Variants in DNAJC27 observed in about 807,000 individuals in gnomAD.
DNAJC27 encodes DnaJ heat shock protein family (Hsp40) member C27.
Under a neutral mutation model 31.4 loss-of-function variants are expected in DNAJC27, and 25 were observed. The observed-to-expected ratio is 0.80, with a 90% CI of 0.58 to 1.11. The LOEUF is 1.11. Ranked by LOEUF, DNAJC27 falls within the 50% of genes most tolerant of loss-of-function variation. The pLI is 0.00. For missense variants in DNAJC27, 356 were observed against 347.3 expected (o/e 1.02, Z -0.20); for synonymous variants, 106 against 112.7 (o/e 0.94, Z 0.37).
chr2:24,951,816 A>C (rs1327638325), intron 5 of DNAJC27, among the ~76,000 whole-genome samples: 1 of 152,198 alleles, frequency 6.6e-6, no homozygotes, highest in Non-Finnish European at 1.5e-5. Context: ...GAAGTTAAAA[A>C]GTAACAGATG....
intron 6 of DNAJC27, among the ~76,000 whole-genome samples, chr2:24,950,043 T>C (rs1214050872): frequency 1.3e-5 from 2 of 151,120 alleles, no homozygotes; most frequent in African/African-American, 4.9e-5. Context: ...GACTCACATT[T>C]TCGAATTTCA....
At chr2:24,965,409 C>A (rs1396792436) in intron 2 of DNAJC27, among the ~76,000 whole-genome samples, 1 of 151,838 alleles carries the variant, frequency 6.6e-6, no homozygotes, top group Non-Finnish European at 1.5e-5. Context: ...GCAACTGCCA[C>A]CACGTCCGGC....
At chr2:24,954,469 G>A (rs1314444620) in intron 5 of DNAJC27, among the ~76,000 whole-genome samples, 1 of 152,174 alleles carries the variant, frequency 6.6e-6, no homozygotes. Flanking sequence ...AAAAGAGACA[G>A]AATTTGGAAG....
At chr2:24,947,848 T>G in intron 6 of DNAJC27, 100 bp from the exon 7 acceptor site, 1 of 1,322,134 alleles carries the variant, frequency 7.6e-7, no homozygotes, top group South Asian at 1.8e-5. Flanking sequence ...AGTGAACATA[T>G]CCTAAATTAT....
At position 24,957,112 on chromosome 2, in the gene DNAJC27, A is replaced by G. The variant is rs1192346010; in HGVS notation, c.459T>C (p.Ala153=). ...CVDESEGRLW[A]ESKGFLYFET... ...CAAAGTACAGGAACCCTTTGCTTTC[A>G]GCCCAAAGACGTCCTTCACTTTCAT... Residue 153 remains alanine (A), a synonymous_variant, in exon 5 of 7, where the codon GCT becomes GCC. Transcript: ENST00000264711. 7 of 1,609,358 alleles carry G rather than the reference A, an allele frequency of 4.3e-6. No homozygotes were observed. Among genetic ancestry groups the G allele is most frequent in the Admixed American group, 1.7e-5 (1 of 58,622 alleles).
At chr2:24,970,039 C>A (rs56784950) in intron 1 of DNAJC27, among the ~76,000 whole-genome samples, 113,070 of 152,138 alleles carry the variant, frequency 0.74, 42,328 homozygotes, top group Middle Eastern at 0.85. Flanking sequence ...AGTAATTTAT[C>A]TCCCTTTGTA....
chr2:24,970,250 TTTCAG>T (rs1666294626), intron 1 of DNAJC27, among the ~76,000 whole-genome samples: 1 of 152,202 alleles, frequency 6.6e-6, no homozygotes, highest in Non-Finnish European at 1.5e-5. Context: ...TCTAATAGTT[TTTCAG>T]TTATTTCTCT....
chr2:24,966,685 C>G (rs1666190924), intron 2 of DNAJC27, among the ~76,000 whole-genome samples: 1 of 152,142 alleles, frequency 6.6e-6, no homozygotes, highest in Non-Finnish European at 1.5e-5. Context: ...TCTTGAACTC[C>G]TGACCTCGTT....
chr2:24,955,534 C>T (rs1280799971), intron 5 of DNAJC27, among the ~76,000 whole-genome samples: 4 of 152,098 alleles, frequency 2.6e-5, no homozygotes, highest in African/African-American at 9.7e-5. Context: ...GAAAACTCCC[C>T]AAATTTGATG....
rs1267663692 is a variant in DNAJC27 at position 24,945,737 on chromosome 2, A to C, written c.*1879T>G. The C allele has an allele frequency of 6.6e-6, 1 of 152,230 alleles. No homozygotes were observed. The highest frequency in any genetic ancestry group is 1.5e-5 in the Non-Finnish European group (1 of 68,044). The allele number at this position is 152,230 out of a possible 1,614,324, so 9.4% of individuals were successfully genotyped here. A position where few individuals can be genotyped will look rare whatever the true frequency, so the allele number is the denominator to read the frequency against. On this transcript the variant is annotated 3_prime_UTR_variant, in exon 7 of 7. Transcript: ENST00000264711. ...CATATATCAATCAGTTCATTTAAAAAGTTGTTTTGATATTACCAAGATGAA... is the reference window on the plus strand; with the variant it reads ...CATATATCAATCAGTTCATTTAAAACGTTGTTTTGATATTACCAAGATGAA...
rs766130709 is a variant in DNAJC27 at position 24,951,454 on chromosome 2, C to T, written c.629G>A (p.Arg210His). The T allele has an allele frequency of 7.4e-6, 12 of 1,613,704 alleles. No homozygotes were observed. The highest frequency in any genetic ancestry group is 4.4e-5 in the South Asian group (4 of 90,990). ...ACTGTCTTTACTATTTCGAATTCTG[C>T]GAATGGCATCTGCTTGTTCTTTGGT... ...SFTKEQADAI[R>H]RIRNSKDSWD... The change falls in exon 6 of 7, where the codon CGC becomes CAC. Residue 210 changes from arginine to histidine, a missense_variant. Arg to His is a conservative substitution (Grantham distance 29). Coordinates refer to ENST00000264711, the MANE Select transcript of DNAJC27 (RefSeq NM_016544.3).
Position 24,951,566 on chromosome 2 carries a change from A to AT in DNAJC27, c.529-13_529-12insA. On this transcript the variant is annotated splice_polypyrimidine_tract_variant and intron_variant, in intron 5 of 6. Transcript: ENST00000264711. ...GATATATAAAAGGTCTACAAGAAGA[A>AT]AACATAACCCAGGGTAGAAATGATT... is the stretch of plus-strand genomic sequence containing the variant. 1 of 1,603,774 alleles carries AT rather than the reference A, an allele frequency of 6.2e-7. No homozygotes were observed. Among genetic ancestry groups the AT allele is most frequent in the Non-Finnish European group, 8.5e-7 (1 of 1,174,330 alleles).
upstream of DNAJC27, chr2:24,972,002 C>A: frequency 3.4e-6 from 3 of 874,424 alleles, no homozygotes; most frequent in Non-Finnish European, 4.8e-6. Flanking sequence ...CCGCTGCTCT[C>A]GTCACCGCCT....
intron 3 of DNAJC27, among the ~76,000 whole-genome samples, chr2:24,959,962 C>T (rs1666001550): frequency 1.3e-5 from 2 of 152,226 alleles, no homozygotes; most frequent in Admixed American, 6.5e-5. Context: ...GTGTCACCCA[C>T]AGGGCCTAGC....
At chr2:24,965,678 A>G (rs1489575011) in intron 2 of DNAJC27, among the ~76,000 whole-genome samples, 1 of 152,232 alleles carries the variant, frequency 6.6e-6, no homozygotes, top group Non-Finnish European at 1.5e-5. Context: ...TGGTGCTGTA[A>G]GAGCATTACA....
At chr2:24,954,719 C>T (rs954930345) in intron 5 of DNAJC27, among the ~76,000 whole-genome samples, 3 of 152,178 alleles carry the variant, frequency 2.0e-5, no homozygotes, top group East Asian at 1.9e-4. Flanking sequence ...GGGCGGATCA[C>T]GAGATCACGA....
In DNAJC27 at chr2:24,944,975, CATTGT is replaced by C. The variant is rs1665612591; in HGVS notation, c.*2636_*2640del. On this transcript the variant is annotated 3_prime_UTR_variant, in exon 7 of 7. Coordinates refer to ENST00000264711, the MANE Select transcript of DNAJC27 (RefSeq NM_016544.3). ...AGATTCTCTATAAAAACGTTTTAGC[CATTGT>C]AATTATTCTGCTAGCTGTTACTCTC... 6.6e-6 allele frequency: 1 copy of C among 152,354 alleles called. No homozygotes were observed. The highest frequency in any genetic ancestry group is 2.4e-5 in the African/African-American group (1 of 41,374). 9.4% of individuals were successfully genotyped at this position (152,354 alleles called of 1,614,324 possible).
chr2:24,962,132 A>T (rs1478981295), intron 3 of DNAJC27, among the ~76,000 whole-genome samples: 1 of 152,186 alleles, frequency 6.6e-6, no homozygotes, highest in East Asian at 1.9e-4. Flanking sequence ...CTCTGATCAC[A>T]ATGGAATCAA....
Position 24,967,207 on chromosome 2 carries a change from T to C in DNAJC27, c.170+4A>G, listed in dbSNP as rs767923723. ...TTACAAACCCAGGGAAACAATATAC[T>C]TACTTTGTGACTCCATAGTCAATTC... On this transcript the variant is annotated splice_donor_region_variant and intron_variant, in intron 2 of 6. Transcript: ENST00000264711. 102 of 1,609,976 alleles carry C rather than the reference T, an allele frequency of 6.3e-5. No individual in the cohort carries two copies. The Middle Eastern group carries it at 9.9e-4, about 16-fold the overall frequency.
Sources: gnomAD v4.1 joint callset for allele counts (sites outside exome capture counted in the v4.1 genomes callset) on GRCh38, gnomAD v4.1.1 for gene constraint, MANE v1.5 for transcripts, NCBI Gene and HGNC (gene_info 2026-07-23, HGNC 2026-07-21) for gene names.